The following DHRS12 variants were observed in gnomAD, a reference collection of about 807,000 sequenced individuals.
The protein encoded by DHRS12 is dehydrogenase/reductase SDR family member 12.
In DHRS12, 29 loss-of-function variants were observed where a neutral mutation model predicts 32.1. The ratio of observed to expected loss-of-function variants is 0.90; its 90% CI spans 0.67 to 1.23. The LOEUF is 1.23. Ranked by LOEUF, DHRS12 falls within the 50% of genes most tolerant of loss-of-function variation. The pLI, the probability that DHRS12 is intolerant of heterozygous loss-of-function variation, is 0.00. For missense variants in DHRS12, 330 were observed against 337.2 expected (o/e 0.98, Z 0.17); for synonymous variants, 150 against 135.9 (o/e 1.10, Z -0.72).
At chr13:51,797,440 TTCTC>T (rs1282905618) in intron 2 of DHRS12, among the ~76,000 whole-genome samples, 1 of 152,148 alleles carries the variant, frequency 6.6e-6, no homozygotes, top group Non-Finnish European at 1.5e-5. Context: ...CTGCCGGTGT[TTCTC>T]TTTATTAGAG....
At chr13:51,763,748 T>C (rs998735331), downstream of DHRS12, 5 of 152,324 alleles carry the variant, frequency 3.3e-5, no homozygotes, top group East Asian at 9.7e-4. Flanking sequence ...CAGTGAGCTA[T>C]GATTGCACTA....
rs1451212459 is a variant in DHRS12, at chr13:51,799,545, AT to A, written c.114del (p.Lys38AsnfsTer36). 6.2e-7 allele frequency: 1 copy of A among 1,613,622 alleles called. No individual in the cohort carries two copies. Among genetic ancestry groups the A allele is most frequent in the African/African-American group, 1.3e-5 (1 of 75,018 alleles). On this transcript the variant is annotated frameshift_variant, in exon 2 of 9. Coordinates refer to ENST00000444610, the MANE Select transcript of DHRS12 (RefSeq NM_001377533.1). LOFTEE classifies it high-confidence loss of function. ...TAGCAGCTGCTTACCTCGCTTGGCG[AT>A]TTCAAGGGCAGTTGCTTTGCCAATG... ...TAALAKQLPL[K>X]SPSENIFLHI...
chr13:51,756,836 A>C, the DHRS12 span, among the ~76,000 whole-genome samples: 1 of 152,206 alleles, frequency 6.6e-6, no homozygotes, highest in Non-Finnish European at 1.5e-5. Flanking sequence ...GAGTGAGTCC[A>C]TGGGTCCAGA....
At chr13:51,759,388 C>T in the DHRS12 span, among the ~76,000 whole-genome samples, 1 of 152,296 alleles carries the variant, frequency 6.6e-6, no homozygotes, top group Non-Finnish European at 1.5e-5. Context: ...CATGTTGGCT[C>T]ATCGAATGCT....
At chr13:51,803,098 C>A (rs1434741039) in intron 1 of DHRS12, among the ~76,000 whole-genome samples, 3 of 152,246 alleles carry the variant, frequency 2.0e-5, no homozygotes, top group African/African-American at 7.2e-5. Flanking sequence ...CCCCACCATT[C>A]TCTGCAGCAG....
chr13:51,780,498 T>C (rs1209130959), intron 4 of DHRS12, among the ~76,000 whole-genome samples: 1 of 152,198 alleles, frequency 6.6e-6, no homozygotes, highest in Non-Finnish European at 1.5e-5. Flanking sequence ...AATAATTCAT[T>C]ATCATTATGA....
chr13:51,769,299 AGAAG>A lies in DHRS12; in HGVS notation c.560-10_560-7del, dbSNP rs779944371. 3.8e-6 allele frequency: 6 copies of A among 1,559,562 alleles called. No individual in the cohort carries two copies. The highest frequency in any genetic ancestry group is 2.4e-5 in the South Asian group (2 of 84,432). On this transcript the variant is annotated splice_region_variant and splice_polypyrimidine_tract_variant and intron_variant, in intron 7 of 8. Transcript: ENST00000444610. ...CGGCATCGCCTGCCTCACACCTGGGAGAAGGAAGGGTCAGGCGGATTAGGACAGC... is the reference window on the plus strand; with the variant it reads ...CGGCATCGCCTGCCTCACACCTGGGAGAAGGGTCAGGCGGATTAGGACAGC...
In DHRS12 at chr13:51,777,057, C is replaced by T. The variant is rs879222194; in HGVS notation, c.363+3G>A. 2.5e-6 allele frequency: 4 copies of T among 1,614,022 alleles called. No individual in the cohort carries two copies. The South Asian group carries it at 4.4e-5, about 18-fold the overall frequency. On this transcript the variant is annotated splice_donor_region_variant and intron_variant, in intron 5 of 8. Transcript: ENST00000444610. ...CTCAAAACATCCCATAAGGTCAACT[C>T]ACCACTCGGGGGTCGTGTTCTTTCT... is the stretch of plus-strand genomic sequence containing the variant.
chr13:51,796,198 T>C lies in DHRS12; in HGVS notation c.126+3336A>G, dbSNP rs1473040787. ...AACTCCCTCCTTCATACCACGCTTT[T>C]GTGTGTGGGCTGCCTACCAAAGGTA... On this transcript the variant is annotated intron_variant, in intron 2 of 8. Transcript: ENST00000444610. Among the ~76,000 whole-genome samples, 5 of 152,154 alleles carry C rather than the reference T, an allele frequency of 3.3e-5. No homozygotes were observed. The East Asian group carries it at 5.8e-4, about 18-fold the overall frequency.
chr13:51,767,858 A>G (rs999390922), downstream of DHRS12: 3 of 321,662 alleles, frequency 9.3e-6, no homozygotes, highest in African/African-American at 2.7e-5. Context: ...TGGAGTTCAC[A>G]GGGGGGCATT....
intron 8 of DHRS12, chr13:51,768,934 T>C: frequency 7.2e-7 from 1 of 1,397,924 alleles, no homozygotes; most frequent in Non-Finnish European, 9.3e-7. Context: ...AGGACCTTGA[T>C]GACAGGGTTA....
At chr13:51,772,959 G>A in intron 6 of DHRS12, 1 of 985,454 alleles carries the variant, frequency 1.0e-6, no homozygotes, top group Non-Finnish European at 1.2e-6. Context: ...CTCAGACAGG[G>A]CCACCTTCGG....
chr13:51,767,026 C>T (rs1953771703), downstream of DHRS12: 1 of 152,244 alleles, frequency 6.6e-6, no homozygotes, highest in Non-Finnish European at 1.5e-5. Context: ...TTTCCTTCAT[C>T]ATGTAAGTCA....
chr13:51,790,655 G>A (rs1487174334), intron 3 of DHRS12, among the ~76,000 whole-genome samples: 3 of 152,010 alleles, frequency 2.0e-5, no homozygotes, highest in Non-Finnish European at 4.4e-5. Flanking sequence ...CTGGAACAAC[G>A]TTTCAGAGCA....
At chr13:51,802,653 G>A (rs1320701005) in intron 1 of DHRS12, among the ~76,000 whole-genome samples, 1 of 152,220 alleles carries the variant, frequency 6.6e-6, no homozygotes, top group African/African-American at 2.4e-5. Context: ...AATATAGGGA[G>A]GCTTTATAAA....
At chr13:51,792,784 GTTGT>G (rs1369997974) in intron 2 of DHRS12, among the ~76,000 whole-genome samples, 1 of 152,124 alleles carries the variant, frequency 6.6e-6, no homozygotes, top group Non-Finnish European at 1.5e-5. Context: ...AAGTTACGTC[GTTGT>G]TTGTTTGTTT....
intron 4 of DHRS12, among the ~76,000 whole-genome samples, chr13:51,784,036 A>G (rs961207653): frequency 3.3e-5 from 5 of 152,148 alleles, no homozygotes; most frequent in African/African-American, 9.7e-5. Context: ...CTGGCCTATA[A>G]AAGTATCATC....
In DHRS12 at chr13:51,773,867, C is replaced by T. The variant is rs1954172039; in HGVS notation, c.468+63G>A. On this transcript the variant is annotated intron_variant, in intron 6 of 8. Coordinates refer to ENST00000444610, the MANE Select transcript of DHRS12 (RefSeq NM_001377533.1). ...AATGTGCATCCCAGAGTAAGCTTTC[C>T]TTGGAAAAGGGCCCTCGCAGCCCGT... 9.9e-6 allele frequency: 14 copies of T among 1,413,594 alleles called. No homozygotes were observed. The South Asian group carries it at 1.6e-4, about 16-fold the overall frequency. The allele number at this position is 1,413,594 out of a possible 1,614,324, so 87.6% of individuals were successfully genotyped here. A position where few individuals can be genotyped will look rare whatever the true frequency, so the allele number is the denominator to read the frequency against.
At chr13:51,758,354 C>A in the DHRS12 span, 2 of 1,335,932 alleles carry the variant, frequency 1.5e-6, no homozygotes, top group Non-Finnish European at 2.1e-6. Flanking sequence ...TATAAATATA[C>A]AGGAGCACCA....
Sources: gnomAD v4.1 joint callset for allele counts (sites outside exome capture counted in the v4.1 genomes callset) on GRCh38, gnomAD v4.1.1 for gene constraint, MANE v1.5 for transcripts, NCBI Gene and HGNC (gene_info 2026-07-23, HGNC 2026-07-21) for gene names.